MIR2052HG: variants seen among roughly 807,000 people sequenced by gnomAD.
The protein encoded by MIR2052HG is MIR2052 host gene.
intron 2 of MIR2052HG, among the ~76,000 whole-genome samples, chr8:74,690,760 A>G (rs1433575779): frequency 6.6e-6 from 1 of 152,164 alleles, no homozygotes; most frequent in African/African-American, 2.4e-5. Flanking sequence ...TATACCTTGT[A>G]AGAAGTTTAG....
chr8:74,643,442 A>T (rs1217542996), intron 2 of MIR2052HG, among the ~76,000 whole-genome samples: 1 of 152,180 alleles, frequency 6.6e-6, no homozygotes, highest in Non-Finnish European at 1.5e-5. Flanking sequence ...GGAAAAGATG[A>T]ATTTGTTTTT....
At chr8:74,744,009 T>A (rs1347446467) in intron 4 of MIR2052HG, among the ~76,000 whole-genome samples, 2 of 152,190 alleles carry the variant, frequency 1.3e-5, no homozygotes, top group Non-Finnish European at 2.9e-5. Context: ...AAATAAATTA[T>A]AAAAGTAAAA....
At chr8:74,693,678 C>T (rs926888714) in intron 2 of MIR2052HG, among the ~76,000 whole-genome samples, 9 of 151,966 alleles carry the variant, frequency 5.9e-5, no homozygotes, top group Admixed American at 2.6e-4. Flanking sequence ...TGGGTGAGGC[C>T]TATCACTGCC....
At chr8:74,700,034 C>T (rs560910444) in intron 2 of MIR2052HG, among the ~76,000 whole-genome samples, 36 of 152,068 alleles carry the variant, frequency 2.4e-4, no homozygotes, top group Non-Finnish European at 4.9e-4. Flanking sequence ...TCATTTAATT[C>T]TTCTAACAAT....
chr8:74,700,329 A>G (rs558588102), intron 2 of MIR2052HG, among the ~76,000 whole-genome samples: 1 of 152,310 alleles, frequency 6.6e-6, no homozygotes, highest in East Asian at 1.9e-4. Flanking sequence ...AATTTGGAGT[A>G]GTTAATTTTG....
intron 4 of MIR2052HG, among the ~76,000 whole-genome samples, chr8:74,715,928 T>TC (rs1480633901): frequency 6.6e-6 from 1 of 152,234 alleles, no homozygotes; most frequent in African/African-American, 2.4e-5. Context: ...AATTAATTTT[T>TC]CAACTCTAAA....
chr8:74,755,723 G>A (rs1809993060), intron 5 of MIR2052HG, among the ~76,000 whole-genome samples: 1 of 152,122 alleles, frequency 6.6e-6, no homozygotes, highest in Non-Finnish European at 1.5e-5. Flanking sequence ...TGGTCCTTAT[G>A]GACATGATTA....
chr8:74,676,235 CAT>C (rs1245185958), intron 2 of MIR2052HG, among the ~76,000 whole-genome samples: 3 of 151,878 alleles, frequency 2.0e-5, no homozygotes, highest in African/African-American at 7.2e-5. Flanking sequence ...TTATTTTAAA[CAT>C]ATGTAGATGC....
At chr8:74,693,503 G>A (rs1809260814) in intron 2 of MIR2052HG, among the ~76,000 whole-genome samples, 1 of 151,544 alleles carries the variant, frequency 6.6e-6, no homozygotes, top group Non-Finnish European at 1.5e-5. Flanking sequence ...ATTCCTGAAA[G>A]CCCTGCTTGC....
At chr8:74,663,120 C>G (rs1480189166) in intron 2 of MIR2052HG, among the ~76,000 whole-genome samples, 1 of 152,070 alleles carries the variant, frequency 6.6e-6, no homozygotes, top group Non-Finnish European at 1.5e-5. Flanking sequence ...ATTAGCATTA[C>G]TTATTCATAA....
chr8:74,666,087 C>G (rs1162651517), intron 2 of MIR2052HG, among the ~76,000 whole-genome samples: 1 of 152,152 alleles, frequency 6.6e-6, no homozygotes, highest in Non-Finnish European at 1.5e-5. Context: ...TAGTTACTTT[C>G]ACAGTAACTT....
intron 1 of MIR2052HG, among the ~76,000 whole-genome samples, chr8:74,604,583 C>CTTTTTTTTTTTTTTT (rs35641908): frequency 2.0e-5 from 1 of 50,008 alleles, no homozygotes; most frequent in African/African-American, 9.0e-5. Context: ...TGTTTCTTTA[C>CTTTTTTTTTTTTTTT]TTTTTTTTTT....
chr8:74,651,864 C>G (rs1336937387), intron 2 of MIR2052HG, among the ~76,000 whole-genome samples: 1 of 152,152 alleles, frequency 6.6e-6, no homozygotes, highest in Non-Finnish European at 1.5e-5. Context: ...AGTGTGGACT[C>G]AAACTTTCTT....
At chr8:74,638,499 A>C (rs913552140) in intron 2 of MIR2052HG, among the ~76,000 whole-genome samples, 1 of 152,154 alleles carries the variant, frequency 6.6e-6, no homozygotes, top group African/African-American at 2.4e-5. Context: ...AGCTCTTGCA[A>C]TTGCTCAGGT....
intron 4 of MIR2052HG, among the ~76,000 whole-genome samples, chr8:74,709,741 A>G (rs1323791385): frequency 6.6e-6 from 1 of 152,098 alleles, no homozygotes; most frequent in Non-Finnish European, 1.5e-5. Flanking sequence ...CAAGTATTTC[A>G]TGTGTGCTGT....
At chr8:74,639,013 G>C (rs1270989550) in intron 2 of MIR2052HG, among the ~76,000 whole-genome samples, 1 of 152,150 alleles carries the variant, frequency 6.6e-6, no homozygotes, top group African/African-American at 2.4e-5. Flanking sequence ...GCTACCAATA[G>C]CAAGAGGAAA....
chr8:74,726,871 T>C (rs1236963565), intron 4 of MIR2052HG, among the ~76,000 whole-genome samples: 1 of 152,252 alleles, frequency 6.6e-6, no homozygotes, highest in Non-Finnish European at 1.5e-5. Context: ...GTTCATGGGC[T>C]GCCCAATATA....
intron 2 of MIR2052HG, among the ~76,000 whole-genome samples, chr8:74,691,576 G>A (rs998454574): frequency 6.6e-6 from 1 of 152,158 alleles, no homozygotes; most frequent in Non-Finnish European, 1.5e-5. Flanking sequence ...TGCGAACAAT[G>A]TTTAAACTTA....
intron 4 of MIR2052HG, among the ~76,000 whole-genome samples, chr8:74,746,313 T>A (rs1167814974): frequency 6.6e-6 from 1 of 152,178 alleles, no homozygotes; most frequent in East Asian, 1.9e-4. Context: ...ATATGTTTAG[T>A]TCAATTAAAT....
Sources: allele counts gnomAD v4.1 joint callset (sites outside exome capture counted in the v4.1 genomes callset), GRCh38; gene constraint gnomAD v4.1.1; transcripts MANE v1.5; gene names NCBI Gene and HGNC (gene_info 2026-07-23, HGNC 2026-07-21).